Variants in PLEKHH2 observed in about 807,000 individuals in gnomAD.
The protein encoded by PLEKHH2 is pleckstrin homology, MyTH4 and FERM domain containing H2.
In PLEKHH2, 129 loss-of-function variants were observed where a neutral mutation model predicts 187.9. The observed-to-expected ratio is 0.69, with a 90% CI of 0.59 to 0.79. The LOEUF is 0.79. Ranked by LOEUF, PLEKHH2 falls within the 30% of genes least tolerant of loss-of-function variation. The pLI, the probability that PLEKHH2 is intolerant of heterozygous loss-of-function variation, is 0.00. For missense variants in PLEKHH2, 2,076 were observed against 1,751.2 expected, an observed-to-expected ratio of 1.19 and a Z score of -3.31; for synonymous variants, 686 against 605.6, an observed-to-expected ratio of 1.13 and a Z score of -1.95.
At chr2:43,648,621 C>T (rs1666307699) in intron 2 of PLEKHH2, among the ~76,000 whole-genome samples, 1 of 150,546 alleles carries the variant, frequency 6.6e-6, no homozygotes, top group Non-Finnish European at 1.5e-5. Flanking sequence ...CACTCTGTTG[C>T]CCAGGCTGGA....
At chr2:43,723,341 C>A (rs13424396) in intron 16 of PLEKHH2, among the ~76,000 whole-genome samples, 3 of 151,878 alleles carry the variant, frequency 2.0e-5, no homozygotes, top group African/African-American at 4.8e-5. Context: ...CACAGAGGAG[C>A]CTTCCTAAGG....
chr2:43,675,522 G>A (rs764051741), intron 2 of PLEKHH2: 33 of 1,613,896 alleles, frequency 2.0e-5, no homozygotes, highest in Non-Finnish European at 2.6e-5. Context: ...TATCTGAACA[G>A]CAGCCTTCTA....
intron 1 of PLEKHH2, among the ~76,000 whole-genome samples, chr2:43,642,179 C>T (rs1022964640): frequency 2.0e-5 from 3 of 152,134 alleles, no homozygotes; most frequent in Admixed American, 6.5e-5. Flanking sequence ...TCAGTGCACA[C>T]ATTTTGCACT....
At chr2:43,692,096 T>G (rs1046352732) in intron 3 of PLEKHH2, 2 of 152,680 alleles carry the variant, frequency 1.3e-5, no homozygotes, top group African/African-American at 4.8e-5. Context: ...AGGTTCAAGT[T>G]TTTTCCCATA....
At chr2:43,688,403 T>C (rs1300796425) in intron 3 of PLEKHH2, among the ~76,000 whole-genome samples, 1 of 152,206 alleles carries the variant, frequency 6.6e-6, no homozygotes, top group Non-Finnish European at 1.5e-5. Flanking sequence ...TCAGGAATCT[T>C]TGTCATGCCA....
At position 43,700,458 on chromosome 2, in the gene PLEKHH2, A is replaced by G; in HGVS notation, c.1500A>G (p.Leu500=). 2 of 1,614,140 alleles carry G rather than the reference A, an allele frequency of 1.2e-6. No individual in the cohort carries two copies. Among genetic ancestry groups the G allele is most frequent in the South Asian group, 1.1e-5 (1 of 91,078 alleles). Residue 500 remains leucine (L), a synonymous_variant, in exon 8 of 30, where the codon TTA becomes TTG. Coordinates refer to ENST00000282406, the MANE Select transcript of PLEKHH2 (RefSeq NM_172069.4). ...DLVDGDSTEV[L]ENMDTSCDDG... ...TTGATGGAGACAGTACAGAAGTTTT[A>G]GAGAATATGGACACGAGTTGTGATG...
chr2:43,761,385 T>C (rs7595065), intron 27 of PLEKHH2, among the ~76,000 whole-genome samples: 47,543 of 150,494 alleles, frequency 0.32, 7,966 homozygotes, highest in South Asian at 0.43. Context: ...TTTTTTTTTC[T>C]ATGAGAACCA....
intron 16 of PLEKHH2, among the ~76,000 whole-genome samples, chr2:43,723,716 G>C (rs768124536): frequency 4.6e-5 from 7 of 152,168 alleles, no homozygotes; most frequent in Non-Finnish European, 7.3e-5. Flanking sequence ...TTATGCCAAA[G>C]TGATATCTGT....
chr2:43,656,509 A>C (rs1056574385), intron 2 of PLEKHH2, among the ~76,000 whole-genome samples: 1 of 152,128 alleles, frequency 6.6e-6, no homozygotes, highest in African/African-American at 2.4e-5. Context: ...CTTCCAGTGG[A>C]ATGATGACCA....
chr2:43,726,127 A>G (rs1330135988), intron 16 of PLEKHH2, 145 bp from the exon 17 acceptor site: 4 of 120,664 alleles, frequency 3.3e-5, no homozygotes, highest in Non-Finnish European at 5.1e-5. Flanking sequence ...CCTGTCTCAA[A>G]AAAAAAAAAA....
At position 43,675,304 on chromosome 2, in the gene PLEKHH2, A is replaced by T. The variant is rs537601863; in HGVS notation, c.124-3559A>T. The T allele has an allele frequency of 2.6e-4, 266 of 1,004,638 alleles. 1 individual carries two copies. Among genetic ancestry groups the T allele is most frequent in the Non-Finnish European group, 1.2e-4 (83 of 698,782 alleles). 62.2% of individuals were successfully genotyped at this position (1,004,638 alleles called of 1,614,324 possible). ...AATGAAGTACGTATTTTACACTTAC[A>T]CTGTATCAGAATTTGGACTAGCCAC... is the stretch of plus-strand genomic sequence containing the variant. On this transcript the variant is annotated intron_variant, in intron 2 of 29. Coordinates refer to ENST00000282406, the MANE Select transcript of PLEKHH2 (RefSeq NM_172069.4).
intron 4 of PLEKHH2, among the ~76,000 whole-genome samples, chr2:43,693,528 A>G (rs7563271): frequency 0.034 from 5,163 of 152,058 alleles, 295 homozygotes; most frequent in African/African-American, 0.12. Context: ...GATCGAGACC[A>G]TCTGGCTAAC....
intron 19 of PLEKHH2, among the ~76,000 whole-genome samples, chr2:43,733,865 T>C (rs918749606): frequency 1.3e-5 from 2 of 152,184 alleles, no homozygotes; most frequent in African/African-American, 2.4e-5. Flanking sequence ...TACCCACCTG[T>C]AGAGTACACC....
Position 43,643,448 on chromosome 2 carries a change from T to A in PLEKHH2, c.-3-1223T>A, listed in dbSNP as rs912622036. 3.3e-5 allele frequency among the ~76,000 whole-genome samples: 5 copies of A among 152,112 alleles called. No individual in the cohort carries two copies. The East Asian group carries it at 9.6e-4, about 29-fold the overall frequency. ...AATATTGTCAGTATTAATGTGAAAA[T>A]TGATTTAAGTACAAAACAATCTTCA... On this transcript the variant is annotated intron_variant, in intron 1 of 29. Coordinates refer to ENST00000282406, the MANE Select transcript of PLEKHH2 (RefSeq NM_172069.4).
chr2:43,757,363 C>A, intron 26 of PLEKHH2, 99 bp downstream of exon 26: 1 of 964,838 alleles, frequency 1.0e-6, no homozygotes, highest in Non-Finnish European at 1.4e-6. Flanking sequence ...ATTTGGACAG[C>A]TTTCTCAAGA....
chr2:43,703,953 C>G (rs1427236716), intron 8 of PLEKHH2, 28 bp from the exon 9 acceptor site: 4 of 645,674 alleles, frequency 6.2e-6, no homozygotes, highest in Non-Finnish European at 9.6e-6. Context: ...CTTTAAATAC[C>G]CTGTTCAAAC....
chr2:43,714,862 T>A (rs1670137775), intron 15 of PLEKHH2, among the ~76,000 whole-genome samples: 1 of 152,206 alleles, frequency 6.6e-6, no homozygotes, highest in Admixed American at 6.5e-5. Flanking sequence ...TATTGAGATG[T>A]GTCAGTAATG....
chr2:43,749,057 A>G (rs1384275974), intron 24 of PLEKHH2, among the ~76,000 whole-genome samples: 1 of 152,100 alleles, frequency 6.6e-6, no homozygotes, highest in Non-Finnish European at 1.5e-5. Context: ...GCGCCCAGCC[A>G]AGACTATTCC....
chr2:43,749,164 G>A (rs1240358652), intron 24 of PLEKHH2, among the ~76,000 whole-genome samples: 6 of 152,216 alleles, frequency 3.9e-5, no homozygotes, highest in Non-Finnish European at 5.9e-5. Flanking sequence ...ATTTGGATAT[G>A]AAAGACAGGT....
Sources: allele counts gnomAD v4.1 joint callset (sites outside exome capture counted in the v4.1 genomes callset), GRCh38; gene constraint gnomAD v4.1.1; transcripts MANE v1.5; gene names NCBI Gene and HGNC (gene_info 2026-07-23, HGNC 2026-07-21).